The following MACROD2 variants were observed in gnomAD, a reference collection of about 807,000 sequenced individuals.
MACROD2 encodes the protein mono-ADP ribosylhydrolase 2.
MACROD2 carries 36 observed loss-of-function variants against 70.4 expected under a neutral mutation model. The ratio of observed to expected loss-of-function variants is 0.51; its 90% confidence interval spans 0.39 to 0.68. MACROD2 has a LOEUF of 0.68. MACROD2 is among the 30% of genes least tolerant of loss of function. The probability of loss-of-function intolerance (pLI) is 0.00; values close to 1 mark genes in which losing one functional copy is unlikely to be tolerated. For missense variants in MACROD2, 496 were observed against 538.4 expected (o/e 0.92, Z 0.78); for synonymous variants, 172 against 178.8 (o/e 0.96, Z 0.30).
intron 5 of MACROD2, among the ~76,000 whole-genome samples, chr20:15,161,345 AATT>A (rs1376387337): frequency 6.7e-6 from 1 of 150,134 alleles, no homozygotes; most frequent in Non-Finnish European, 1.5e-5. Flanking sequence ...ATAATATGAA[AATT>A]ATTAATAAAT....
chr20:14,370,618 G>T (rs995779900), intron 3 of MACROD2, among the ~76,000 whole-genome samples: 1 of 152,130 alleles, frequency 6.6e-6, no homozygotes. Context: ...AATTTGCTGG[G>T]CTGGGGATGG....
At chr20:15,506,275 A>G (rs1326157689) in intron 8 of MACROD2, among the ~76,000 whole-genome samples, 1 of 152,192 alleles carries the variant, frequency 6.6e-6, no homozygotes, top group Admixed American at 6.5e-5. Flanking sequence ...GCCTTCCAGT[A>G]TTCAGGCACA....
At chr20:15,137,498 G>A (rs1391884514) in intron 5 of MACROD2, among the ~76,000 whole-genome samples, 5 of 138,964 alleles carry the variant, frequency 3.6e-5, no homozygotes, top group African/African-American at 1.1e-4. Context: ...TCATAGGTGG[G>A]AATTGAACAA....
chr20:14,400,484 A>G (rs898256312), intron 3 of MACROD2, among the ~76,000 whole-genome samples: 2 of 152,218 alleles, frequency 1.3e-5, no homozygotes, highest in African/African-American at 4.8e-5. Context: ...ACAAGGGGAT[A>G]CTGCCTGTAA....
intron 5 of MACROD2, among the ~76,000 whole-genome samples, chr20:15,100,633 G>A (rs1224364184): frequency 6.6e-6 from 1 of 152,144 alleles, no homozygotes. Context: ...GGAGAAGACA[G>A]AAGTAAGTAG....
intron 6 of MACROD2, among the ~76,000 whole-genome samples, chr20:15,343,574 C>T (rs1429762521): frequency 1.3e-5 from 2 of 152,070 alleles, no homozygotes; most frequent in Admixed American, 6.6e-5. Flanking sequence ...TACAAGAAAA[C>T]AGAGACCAAT....
intron 5 of MACROD2, among the ~76,000 whole-genome samples, chr20:15,149,594 G>A (rs555486486): frequency 6.6e-6 from 1 of 152,144 alleles, no homozygotes; most frequent in East Asian, 1.9e-4. Context: ...TGCGTCAGGT[G>A]TGAGGAAGAA....
chr20:15,113,261 C>T (rs76482097), intron 5 of MACROD2, among the ~76,000 whole-genome samples: 2,187 of 152,160 alleles, frequency 0.014, 23 homozygotes, highest in Middle Eastern at 0.031. Context: ...ATCTAAGTTG[C>T]CTTGGAATGA....
intron 15 of MACROD2, among the ~76,000 whole-genome samples, chr20:15,993,233 AGTGTGTGTGTGTGT>A (rs11468964): frequency 1.4e-5 from 2 of 143,978 alleles, no homozygotes; most frequent in Non-Finnish European, 3.1e-5. Flanking sequence ...GAATTTGAAG[AGTGTGTGTGTGTGT>A]GTGTGTGTGT....
At chr20:15,068,046 A>G (rs1469062387) in intron 5 of MACROD2, among the ~76,000 whole-genome samples, 2 of 152,100 alleles carry the variant, frequency 1.3e-5, no homozygotes, top group Non-Finnish European at 2.9e-5. Flanking sequence ...TTCCTTAGCA[A>G]TTTTTTTAAA....
intron 6 of MACROD2, among the ~76,000 whole-genome samples, chr20:15,395,860 A>G (rs1416389563): frequency 6.6e-6 from 1 of 152,134 alleles, no homozygotes; most frequent in African/African-American, 2.4e-5. Context: ...ACTTTCTCAG[A>G]CCTAGTACTG....
At chr20:14,466,138 T>C (rs2084444574) in intron 3 of MACROD2, among the ~76,000 whole-genome samples, 1 of 152,142 alleles carries the variant, frequency 6.6e-6, no homozygotes, top group African/African-American at 2.4e-5. Context: ...TTTTCCAACT[T>C]GGTTCCATTC....
chr20:15,371,905 C>T (rs544117356), intron 6 of MACROD2, among the ~76,000 whole-genome samples: 11 of 152,194 alleles, frequency 7.2e-5, no homozygotes, highest in Admixed American at 2.0e-4. Context: ...CTGTTTTTTA[C>T]GCTTTCACTA....
At chr20:15,609,846 C>T (rs1035236924) in intron 8 of MACROD2, among the ~76,000 whole-genome samples, 1 of 152,146 alleles carries the variant, frequency 6.6e-6, no homozygotes, top group Non-Finnish European at 1.5e-5. Context: ...GGCCCTCGGT[C>T]GCTTACCAGC....
intron 3 of MACROD2, among the ~76,000 whole-genome samples, chr20:14,286,328 C>T (rs1016353994): frequency 6.6e-6 from 1 of 151,864 alleles, no homozygotes; most frequent in Non-Finnish European, 1.5e-5. Context: ...GTACTTTTTC[C>T]TCTTTATAAA....
intron 10 of MACROD2, among the ~76,000 whole-genome samples, chr20:15,924,950 T>A (rs2065467178): frequency 1.3e-5 from 2 of 152,134 alleles, no homozygotes; most frequent in Non-Finnish European, 2.9e-5. Flanking sequence ...AGAAGAAAAT[T>A]TAAACTTAGG....
At chr20:14,062,995 A>G (rs1450730071) in intron 2 of MACROD2, among the ~76,000 whole-genome samples, 4 of 152,150 alleles carry the variant, frequency 2.6e-5, no homozygotes, top group African/African-American at 9.7e-5. Flanking sequence ...AAACTGTACG[A>G]TCTTGCAGTC....
At chr20:14,273,938 A>C in intron 3 of MACROD2, among the ~76,000 whole-genome samples, 1 of 152,266 alleles carries the variant, frequency 6.6e-6, no homozygotes, top group East Asian at 1.9e-4. Flanking sequence ...TCCCAAGACT[A>C]AACCAGGAAG....
intron 8 of MACROD2, among the ~76,000 whole-genome samples, chr20:15,850,082 C>T (rs1238812864): frequency 1.3e-5 from 2 of 152,182 alleles, no homozygotes; most frequent in Non-Finnish European, 2.9e-5. Flanking sequence ...GGATATCTGA[C>T]CAATTTTCTC....
Sources: gnomAD v4.1 joint callset for allele counts (sites outside exome capture counted in the v4.1 genomes callset) on GRCh38, gnomAD v4.1.1 for gene constraint, MANE v1.5 for transcripts, NCBI Gene and HGNC (gene_info 2026-07-23, HGNC 2026-07-21) for gene names.